The following ANKRD13C variants were observed in gnomAD, a reference collection of about 807,000 sequenced individuals.
ANKRD13C encodes ankyrin repeat domain-containing protein 13C.
ANKRD13C carries 16 observed loss-of-function variants against 65.5 expected under a neutral mutation model. The observed-to-expected ratio is 0.24, with a 90% CI of 0.17 to 0.37. The LOEUF is 0.37. Ranked by LOEUF, ANKRD13C falls within the 10% of genes least tolerant of loss-of-function variation. The pLI, the probability that ANKRD13C is intolerant of heterozygous loss-of-function variation, is 1.00. For missense variants in ANKRD13C, 503 were observed against 655.9 expected, an observed-to-expected ratio of 0.77 and a Z score of 2.55; for synonymous variants, 235 against 238.7, an observed-to-expected ratio of 0.98 and a Z score of 0.14.
At chr1:70,281,999 CA>C (rs201106346) in intron 9 of ANKRD13C, among the ~76,000 whole-genome samples, 1 of 145,386 alleles carries the variant, frequency 6.9e-6, no homozygotes, top group Non-Finnish European at 1.5e-5. Flanking sequence ...GACTCCATCT[CA>C]AAAAAAAGAA....
chr1:70,262,712 G>T lies in ANKRD13C; in HGVS notation c.*5C>A. 6.2e-7 allele frequency: 1 copy of T among 1,609,812 alleles called. No homozygotes were observed. Among genetic ancestry groups the T allele is most frequent in the Non-Finnish European group, 8.5e-7 (1 of 1,177,346 alleles). On this transcript the variant is annotated 3_prime_UTR_variant, in exon 13 of 13. Coordinates refer to ENST00000370944, the MANE Select transcript of ANKRD13C (RefSeq NM_030816.5). ...TTGGTTAGACGGCATCCTTTTCCAC[G>T]TCAGTTAAAGATCAGGAAAACGGCT...
At chr1:70,275,298 T>C (rs2101137407) in intron 10 of ANKRD13C, among the ~76,000 whole-genome samples, 1 of 152,300 alleles carries the variant, frequency 6.6e-6, no homozygotes, top group South Asian at 2.1e-4. Flanking sequence ...TATTTGCAAC[T>C]CTAGCACAGG....
At chr1:70,285,367 G>A (rs1218372818) in intron 9 of ANKRD13C, among the ~76,000 whole-genome samples, 1 of 151,242 alleles carries the variant, frequency 6.6e-6, no homozygotes, top group Non-Finnish European at 1.5e-5. Context: ...AATTTTATTT[G>A]TATATTTAGT....
intron 1 of ANKRD13C, among the ~76,000 whole-genome samples, chr1:70,350,907 T>C (rs1004004761): frequency 1.3e-5 from 2 of 152,212 alleles, no homozygotes; most frequent in Non-Finnish European, 2.9e-5. Flanking sequence ...ACGCCTGTAA[T>C]CCCAGCACTT....
At chr1:70,336,148 A>C (rs1383991342) in intron 1 of ANKRD13C, 49 bp from the exon 2 acceptor site, 16 of 521,214 alleles carry the variant, frequency 3.1e-5, no homozygotes, top group Non-Finnish European at 4.6e-5. Context: ...TAAAAACATA[A>C]GAACATTTAC....
chr1:70,353,131 A>C (rs962643986), intron 1 of ANKRD13C, among the ~76,000 whole-genome samples: 14 of 152,206 alleles, frequency 9.2e-5, no homozygotes, highest in Admixed American at 5.2e-4. Context: ...CGGCTATTAA[A>C]TGTTAAAATG....
intron 12 of ANKRD13C, among the ~76,000 whole-genome samples, chr1:70,270,298 G>C (rs1678822529): frequency 6.6e-6 from 1 of 152,104 alleles, no homozygotes; most frequent in Non-Finnish European, 1.5e-5. Context: ...GTGTGAAATA[G>C]ATCCCTTACA....
intron 5 of ANKRD13C, among the ~76,000 whole-genome samples, chr1:70,312,324 G>A (rs933763864): frequency 6.6e-6 from 1 of 150,770 alleles, no homozygotes; most frequent in Non-Finnish European, 1.5e-5. Context: ...TGCATTTATT[G>A]ACCTCCCATA....
At chr1:70,347,787 A>G (rs1056358570) in intron 1 of ANKRD13C, among the ~76,000 whole-genome samples, 1 of 152,212 alleles carries the variant, frequency 6.6e-6, no homozygotes, top group Non-Finnish European at 1.5e-5. Flanking sequence ...ATGAAGATCA[A>G]CTAAATCAAC....
At chr1:70,321,864 C>T (rs1052162282) in intron 3 of ANKRD13C, among the ~76,000 whole-genome samples, 2 of 152,060 alleles carry the variant, frequency 1.3e-5, no homozygotes, top group African/African-American at 2.4e-5. Flanking sequence ...GCAAAATTAT[C>T]AGAAATCAGA....
intron 2 of ANKRD13C, among the ~76,000 whole-genome samples, chr1:70,325,951 G>T (rs933268247): frequency 6.6e-6 from 1 of 151,850 alleles, no homozygotes. Flanking sequence ...TGAGGCCCAC[G>T]CCGGGCACAG....
At position 70,288,900 on chromosome 1, in the gene ANKRD13C, A is replaced by T. The variant is rs533695856; in HGVS notation, c.1215+3488T>A. 2.1e-4 allele frequency among the ~76,000 whole-genome samples: 32 copies of T among 152,310 alleles called. No homozygotes were observed. The South Asian group carries it at 6.6e-3, about 32-fold the overall frequency. On this transcript the variant is annotated intron_variant, in intron 9 of 12. Transcript: ENST00000370944. ...ACCACTGGGGGAAACTGGGTGAGGC[A>T]TACATGGAATCCCTGTATGATTTCA...
intron 1 of ANKRD13C, among the ~76,000 whole-genome samples, chr1:70,340,559 G>C (rs1682264367): frequency 6.6e-6 from 1 of 152,062 alleles, no homozygotes; most frequent in Non-Finnish European, 1.5e-5. Flanking sequence ...TAATGGTGTT[G>C]TTCGTATTTT....
intron 5 of ANKRD13C, among the ~76,000 whole-genome samples, chr1:70,309,511 G>C (rs996741034): frequency 1.3e-5 from 2 of 150,284 alleles, no homozygotes; most frequent in African/African-American, 2.4e-5. Context: ...GAGGTGAGAA[G>C]ATCAAGACCA....
chr1:70,337,792 A>G (rs966461762), intron 1 of ANKRD13C, among the ~76,000 whole-genome samples: 10 of 152,056 alleles, frequency 6.6e-5, no homozygotes, highest in Non-Finnish European at 1.2e-4. Flanking sequence ...TTAATATGAA[A>G]ATATGCAATG....
chr1:70,341,219 G>A (rs1203774776), intron 1 of ANKRD13C, among the ~76,000 whole-genome samples: 1 of 152,098 alleles, frequency 6.6e-6, no homozygotes, highest in Admixed American at 6.6e-5. Flanking sequence ...ACGTCCTGAT[G>A]TTTTAGATAT....
At chr1:70,293,284 A>T (rs1039110325) in intron 8 of ANKRD13C, among the ~76,000 whole-genome samples, 3 of 146,638 alleles carry the variant, frequency 2.0e-5, no homozygotes, top group Non-Finnish European at 4.5e-5. Context: ...TACCTTACTT[A>T]AAAAAAAAAC....
chr1:70,306,098 A>T, intron 6 of ANKRD13C, 126 bp downstream of exon 6: 1 of 542,936 alleles, frequency 1.8e-6, no homozygotes, highest in Non-Finnish European at 3.0e-6. Flanking sequence ...CGAATGAGAT[A>T]AAATATTGTG....
chr1:70,340,016 A>AT lies in ANKRD13C; in HGVS notation c.431-3918dup, dbSNP rs199670148. Among the ~76,000 whole-genome samples, 1,163 of 151,050 alleles carry AT rather than the reference A, an allele frequency of 7.7e-3. 16 individuals are homozygous for AT. The highest frequency in any genetic ancestry group is 0.027 in the African/African-American group (1,103 of 41,132). On this transcript the variant is annotated intron_variant, in intron 1 of 12. Coordinates refer to ENST00000370944, the MANE Select transcript of ANKRD13C (RefSeq NM_030816.5). The stretch of plus-strand genomic sequence containing the variant: ...AGGCACACACCACCACACCCAACTA[A>AT]TTTTTTTTAAATTTTCAGTAGAGAT...
Sources: allele counts gnomAD v4.1 joint callset (sites outside exome capture counted in the v4.1 genomes callset), GRCh38; gene constraint gnomAD v4.1.1; transcripts MANE v1.5; gene names NCBI Gene and HGNC (gene_info 2026-07-23, HGNC 2026-07-21).